Variants in OR51A7 observed in about 807,000 individuals in gnomAD.
OR51A7 encodes the protein olfactory receptor family 51 subfamily A member 7.
For missense variants in OR51A7, 409 were observed against 374.5 expected (o/e 1.09, Z -0.76); for synonymous variants, 143 against 135.5 (o/e 1.05, Z -0.38).
At chr11:4,907,095 T>TAAAAAAAAAAAAAAAAAA (rs3065178) in intron 1 of OR51A7, among the ~76,000 whole-genome samples, 700 of 54,938 alleles carry the variant, frequency 0.013, 32 homozygotes, top group East Asian at 0.031. Context: ...AAACTCCCTC[T>TAAAAAAAAAAAAAAAAAA]AAAAAAAAAA....
In OR51A7 at chr11:4,908,405, A is replaced by C; in HGVS notation, c.*97A>C. On this transcript the variant is annotated 3_prime_UTR_variant, in exon 2 of 2. Coordinates refer to ENST00000641490, the MANE Select transcript of OR51A7 (RefSeq NM_001004749.2). ...ATAGAAGTCACTAATGAAGGACTGGATGATGGAAGTGAAAAGCTATGTAGT... is the reference window on the plus strand; with the variant it reads ...ATAGAAGTCACTAATGAAGGACTGGCTGATGGAAGTGAAAAGCTATGTAGT... The C allele has an allele frequency of 9.8e-7, 1 of 1,016,862 alleles. No homozygotes were observed. Among genetic ancestry groups the C allele is most frequent in the Non-Finnish European group, 1.5e-6 (1 of 656,404 alleles). The allele number at this position is 1,016,862 out of a possible 1,614,324, so 63.0% of individuals were successfully genotyped here.
At chr11:4,905,784 C>T (rs1325026817) in intron 1 of OR51A7, among the ~76,000 whole-genome samples, 4 of 151,972 alleles carry the variant, frequency 2.6e-5, no homozygotes, top group Non-Finnish European at 5.9e-5. Flanking sequence ...TACCTGTTTA[C>T]CTTGAAGGCC....
intron 1 of OR51A7, among the ~76,000 whole-genome samples, chr11:4,906,166 T>C (rs1850884992): frequency 6.6e-6 from 1 of 152,192 alleles, no homozygotes; most frequent in African/African-American, 2.4e-5. Context: ...CCACATTTAA[T>C]ACATGAATAT....
chr11:4,904,321 G>A (rs556178628), intron 1 of OR51A7, among the ~76,000 whole-genome samples: 13 of 152,178 alleles, frequency 8.5e-5, no homozygotes, highest in Admixed American at 2.6e-4. Flanking sequence ...GTGTTTGTGC[G>A]TTAGCTTGAG....
intron 1 of OR51A7, among the ~76,000 whole-genome samples, chr11:4,906,499 T>G (rs1564804109): frequency 6.6e-6 from 1 of 152,234 alleles, no homozygotes; most frequent in Non-Finnish European, 1.5e-5. Context: ...TATTTACTCA[T>G]GTATAAAATG....
chr11:4,908,448 G>A lies in OR51A7; in HGVS notation c.*140G>A. Reference sequence around the variant, plus strand: ...TATGTAGTGCAGAATTTATAATAAAGTTGAGAATATAACTGAACAGGATAG... The same window carrying A: ...TATGTAGTGCAGAATTTATAATAAAATTGAGAATATAACTGAACAGGATAG... On this transcript the variant is annotated 3_prime_UTR_variant, in exon 2 of 2. Coordinates refer to ENST00000641490, the MANE Select transcript of OR51A7 (RefSeq NM_001004749.2). 4.0e-6 allele frequency: 3 copies of A among 747,596 alleles called. No individual in the cohort carries two copies. In the South Asian group the frequency reaches 4.6e-5, roughly 11 times the overall value. The allele number at this position is 747,596 out of a possible 1,614,324, so 46.3% of individuals were successfully genotyped here.
At position 4,907,760 on chromosome 11, in the gene OR51A7, A is replaced by G. The variant is rs180960246; in HGVS notation, c.391A>G (p.Arg131Gly). The stretch of plus-strand genomic sequence containing the variant: ...CTTTCTTGCCATTCACAATCCCTTA[A>G]GATACAGTTCTATCCTCACTAGCAA... The part of the protein sequence containing the change: ...DRFLAIHNPL[R>G]YSSILTSNRV... Residue 131 changes from arginine (R) to glycine (G), a missense_variant, in exon 2 of 2, where the codon AGA (arginine) becomes GGA (glycine). Arg to Gly is a moderately radical substitution (Grantham distance 125). Coordinates refer to ENST00000641490, the MANE Select transcript of OR51A7 (RefSeq NM_001004749.2). The G allele has an allele frequency of 1.5e-5, 24 of 1,614,096 alleles. No homozygotes were observed. In the East Asian group the frequency reaches 4.0e-4, roughly 27 times the overall value.
At chr11:4,904,110 G>A (rs775938591) in intron 1 of OR51A7, among the ~76,000 whole-genome samples, 5 of 152,024 alleles carry the variant, frequency 3.3e-5, no homozygotes, top group Non-Finnish European at 5.9e-5. Context: ...AAGGAAAATG[G>A]CTAAGGAAGT....
Position 4,907,839 on chromosome 11 carries a change from T to C in OR51A7, c.470T>C (p.Ile157Thr), listed in dbSNP as rs1850924837. Reference protein sequence around the residue: ...ILAIRSILLVIPFPFTLRRLK... With the variant: ...ILAIRSILLVTPFPFTLRRLK... Reference sequence around the variant, plus strand: ...GCCATTAGGAGCATTCTCTTAGTGATTCCATTTCCCTTCACCTTAAGGAGA... The same window carrying C: ...GCCATTAGGAGCATTCTCTTAGTGACTCCATTTCCCTTCACCTTAAGGAGA... The change falls in exon 2 of 2, where the codon ATT becomes ACT. Residue 157 changes from isoleucine (I) to threonine (T), a missense_variant. Coordinates refer to ENST00000641490, the MANE Select transcript of OR51A7 (RefSeq NM_001004749.2). 2 of 1,613,650 alleles carry C rather than the reference T, an allele frequency of 1.2e-6. No homozygotes were observed.
chr11:4,907,591 C>T lies in OR51A7; in HGVS notation c.222C>T (p.Ser74=), dbSNP rs1203434136. ...AMLAVSDMGL[S]LSSLPTMLRV... is the part of the protein sequence containing the mutation. Reference sequence around the variant, plus strand: ...TGGCTGTCTCTGACATGGGCCTGTCCCTCTCCTCCCTTCCTACCATGTTGA... The same window carrying T: ...TGGCTGTCTCTGACATGGGCCTGTCTCTCTCCTCCCTTCCTACCATGTTGA... The change falls in exon 2 of 2, where the codon TCC becomes TCT. Residue 74 remains serine (S), a synonymous_variant. Transcript: ENST00000641490. The T allele has an allele frequency of 6.2e-7, 1 of 1,613,776 alleles. No individual in the cohort carries two copies. The highest frequency in any genetic ancestry group is 8.5e-7 in the Non-Finnish European group (1 of 1,179,860).
Position 4,907,712 on chromosome 11 carries a change from C to T in OR51A7, c.343C>T (p.Leu115Phe), listed in dbSNP as rs533562438. The change falls in exon 2 of 2, where the codon CTT becomes TTT. Residue 115 changes from leucine to phenylalanine, a missense_variant. By Grantham distance (22) the Leu-to-Phe change is conservative. Transcript: ENST00000641490. ...ATTCACTGTCATGGAATCCTCAGTACTTCTAATTATGTCTTTGGACCGCTT... is the reference window on the plus strand; with the variant it reads ...ATTCACTGTCATGGAATCCTCAGTATTTCTAATTATGTCTTTGGACCGCTT... ...HGFTVMESSV[L>F]LIMSLDRFLA... The T allele has an allele frequency of 1.9e-6, 3 of 1,613,796 alleles. No individual in the cohort carries two copies. The highest frequency in any genetic ancestry group is 2.2e-5 in the East Asian group (1 of 44,872).
chr11:4,907,211 A>C, intron 1 of OR51A7, 128 bp from the exon 2 acceptor site: 1 of 546,544 alleles, frequency 1.8e-6, no homozygotes, highest in South Asian at 3.0e-5. Flanking sequence ...ACTTCTGGTA[A>C]ATTTTGAAGA....
In OR51A7 at chr11:4,907,502, A is replaced by G; in HGVS notation, c.133A>G (p.Ile45Val). 6.2e-7 allele frequency: 1 copy of G among 1,613,988 alleles called. No homozygotes were observed. The highest frequency in any genetic ancestry group is 1.1e-5 in the South Asian group (1 of 91,078). Residue 45 changes from isoleucine to valine, a missense_variant, in exon 2 of 2, where the codon ATT becomes GTT. Coordinates refer to ENST00000641490, the MANE Select transcript of OR51A7 (RefSeq NM_001004749.2). ...YLLAIMGNCT[I>V]LFIIKTEPSL... is the part of the protein sequence containing the mutation. ...GCTTGCCATCATGGGCAACTGCACC[A>G]TTCTCTTTATTATAAAGACAGAGCC... is the stretch of plus-strand genomic sequence containing the variant.
chr11:4,907,491 G>A lies in OR51A7; in HGVS notation c.122G>A (p.Gly41Asp). Residue 41 changes from glycine to aspartate, a missense_variant, in exon 2 of 2, where the codon GGC (glycine) becomes GAC (aspartate). Physicochemically the swap from Gly to Asp is moderately conservative, Grantham distance 94. Coordinates refer to ENST00000641490, the MANE Select transcript of OR51A7 (RefSeq NM_001004749.2). ...ICLMYLLAIM[G>D]NCTILFIIKT... ...CTCATGTACCTGCTTGCCATCATGG[G>A]CAACTGCACCATTCTCTTTATTATA... is the stretch of plus-strand genomic sequence containing the variant. 2 of 1,613,952 alleles carry A rather than the reference G, an allele frequency of 1.2e-6. No homozygotes were observed.
chr11:4,904,990 C>T (rs1850861708), intron 1 of OR51A7, among the ~76,000 whole-genome samples: 1 of 152,084 alleles, frequency 6.6e-6, no homozygotes, highest in Admixed American at 6.6e-5. Flanking sequence ...CGTTATAAAA[C>T]ACTGCAGAAT....
chr11:4,904,118 A>G (rs1850846065), intron 1 of OR51A7, among the ~76,000 whole-genome samples: 1 of 152,102 alleles, frequency 6.6e-6, no homozygotes, highest in African/African-American at 2.4e-5. Flanking sequence ...TGGCTAAGGA[A>G]GTTTTATTGA....
chr11:4,906,419 A>T, intron 1 of OR51A7, among the ~76,000 whole-genome samples: 1 of 152,250 alleles, frequency 6.6e-6, no homozygotes, highest in Non-Finnish European at 1.5e-5. Flanking sequence ...ATTTAAAATC[A>T]AATGAAAGGG....
At position 4,907,815 on chromosome 11, in the gene OR51A7, C is replaced by A. The variant is rs377602088; in HGVS notation, c.446C>A (p.Ala149Asp). The A allele has an allele frequency of 1.9e-6, 3 of 1,613,734 alleles. No individual in the cohort carries two copies. The South Asian group carries it at 3.3e-5, about 18-fold the overall frequency. ...GTTGCTAAAATGGGACTTATTTTAG[C>A]CATTAGGAGCATTCTCTTAGTGATT... is the stretch of plus-strand genomic sequence containing the variant. Reference protein sequence around the residue: ...NRVAKMGLILAIRSILLVIPF... With the variant: ...NRVAKMGLILDIRSILLVIPF... Residue 149 changes from alanine (A) to aspartate (D), a missense_variant, in exon 2 of 2, where the codon GCC becomes GAC. Coordinates refer to ENST00000641490, the MANE Select transcript of OR51A7 (RefSeq NM_001004749.2).
At position 4,909,199 on chromosome 11, in the gene OR51A7, A is replaced by T. The variant is rs1488277664; in HGVS notation, c.*891A>T. On this transcript the variant is annotated 3_prime_UTR_variant, in exon 2 of 2. Transcript: ENST00000641490. ...AAAATTGATTCCTGCAGGACACGAC[A>T]TTTGGTACCACAATAATTTTCACTA... 2 of 152,110 alleles carry T rather than the reference A, an allele frequency of 1.3e-5. No homozygotes were observed. Among genetic ancestry groups the T allele is most frequent in the Non-Finnish European group, 2.9e-5 (2 of 68,008 alleles). 9.4% of individuals were successfully genotyped at this position (152,110 alleles called of 1,614,324 possible). A position where few individuals can be genotyped will look rare whatever the true frequency, so the allele number is the denominator to read the frequency against.
Sources: allele counts gnomAD v4.1 joint callset (sites outside exome capture counted in the v4.1 genomes callset), GRCh38; gene constraint gnomAD v4.1.1; transcripts MANE v1.5; gene names NCBI Gene and HGNC (gene_info 2026-07-23, HGNC 2026-07-21).